Variants in ZNF563 observed in about 807,000 individuals in gnomAD.
The protein encoded by ZNF563 is zinc finger protein 563.
ZNF563 carries 39 observed loss-of-function variants against 48.5 expected under a neutral mutation model. That is an observed-to-expected ratio of 0.80 (90% confidence interval 0.62 to 1.05). The LOEUF (loss-of-function observed/expected upper bound fraction) is 1.05. Ranked by LOEUF, ZNF563 falls within the 50% of genes least tolerant of loss-of-function variation. ZNF563 has a pLI of 0.00. For synonymous variants in ZNF563, 168 were observed against 187.9 expected, an observed-to-expected ratio of 0.89 and a Z score of 0.87; for missense variants, 538 against 597.0, an observed-to-expected ratio of 0.90 and a Z score of 1.03.
intron 1 of ZNF563, among the ~76,000 whole-genome samples, chr19:12,330,288 T>G (rs1968890853): frequency 6.6e-6 from 1 of 152,094 alleles, no homozygotes; most frequent in Non-Finnish European, 1.5e-5. Flanking sequence ...AGACAGACAT[T>G]ACAGACATAT....
chr19:12,337,069 G>A (rs146634909), upstream of ZNF563, among the ~76,000 whole-genome samples: 1,144 of 152,252 alleles, frequency 7.5e-3, 16 homozygotes, highest in African/African-American at 0.026. Context: ...CTCAGTGAGG[G>A]CACAGACAGA....
At chr19:12,330,003 C>A (rs983327399) in intron 1 of ZNF563, among the ~76,000 whole-genome samples, 2 of 151,968 alleles carry the variant, frequency 1.3e-5, no homozygotes, top group Admixed American at 1.3e-4. Flanking sequence ...TCACTGCAAC[C>A]TCTGCCTCCC....
rs74901783 is a variant in ZNF563 at position 12,318,499 on chromosome 19, C to T, written c.*95G>A. The T allele has an allele frequency of 4.8e-4, 638 of 1,334,046 alleles. 9 individuals are homozygous for T. The East Asian group carries it at 0.014, about 28-fold the overall frequency. The allele number at this position is 1,334,046 out of a possible 1,614,324, so 82.6% of individuals were successfully genotyped here. On this transcript the variant is annotated 3_prime_UTR_variant, in exon 4 of 4. Transcript: ENST00000293725. Reference sequence around the variant, plus strand: ...AGGAATAAAAATTATGAAAGGCTTTCCCACATTTACATTTATAGGGTTTCT... The same window carrying T: ...AGGAATAAAAATTATGAAAGGCTTTTCCACATTTACATTTATAGGGTTTCT...
chr19:12,332,807 C>T (rs1386122238), intron 1 of ZNF563, among the ~76,000 whole-genome samples: 1 of 152,222 alleles, frequency 6.6e-6, no homozygotes, highest in African/African-American at 2.4e-5. Flanking sequence ...TGCTTCTCTC[C>T]TGCAGGCTTC....
intron 1 of ZNF563, among the ~76,000 whole-genome samples, 184 bp from the exon 2 acceptor site, chr19:12,322,895 C>T (rs1300582840): frequency 6.6e-6 from 1 of 152,196 alleles, no homozygotes; most frequent in South Asian, 2.1e-4. Context: ...TAGAATTCAA[C>T]ATGTTTGGTA....
At chr19:12,329,065 G>A (rs1968861884) in intron 1 of ZNF563, among the ~76,000 whole-genome samples, 1 of 152,162 alleles carries the variant, frequency 6.6e-6, no homozygotes, top group Admixed American at 6.5e-5. Context: ...TCTAAAATCA[G>A]TGCTCTAACT....
chr19:12,342,494 TG>T, the ZNF563 span, among the ~76,000 whole-genome samples: 1 of 148,234 alleles, frequency 6.7e-6, no homozygotes, highest in Non-Finnish European at 1.5e-5. Context: ...AAAAAGAGGT[TG>T]GGGGTGGTGC....
chr19:12,324,439 C>T (rs555302227), intron 1 of ZNF563, among the ~76,000 whole-genome samples: 101 of 152,110 alleles, frequency 6.6e-4, no homozygotes, highest in Non-Finnish European at 9.0e-4. Context: ...CCTCACTGGC[C>T]GGGTGCGGTG....
At chr19:12,338,102 A>G (rs1172622748), upstream of ZNF563, among the ~76,000 whole-genome samples, 3 of 152,160 alleles carry the variant, frequency 2.0e-5, no homozygotes, top group Non-Finnish European at 4.4e-5. Context: ...ACACTGTCTA[A>G]AAAAGAAAGA....
chr19:12,330,066 G>A (rs1337117358), intron 1 of ZNF563, among the ~76,000 whole-genome samples: 4 of 152,024 alleles, frequency 2.6e-5, no homozygotes, highest in Middle Eastern at 3.4e-3. Context: ...GATTACAGGC[G>A]CCTGTCACTA....
chr19:12,320,075 C>T (rs933983110), intron 3 of ZNF563, among the ~76,000 whole-genome samples: 11 of 152,118 alleles, frequency 7.2e-5, no homozygotes, highest in African/African-American at 1.9e-4. Context: ...TACGCCACCA[C>T]GCCCAGCTAA....
upstream of ZNF563, chr19:12,333,856 G>A: frequency 3.4e-6 from 1 of 296,548 alleles, no homozygotes; most frequent in Non-Finnish European, 6.3e-6. Flanking sequence ...GCCCTTGACA[G>A]GGCAGGCTTC....
intron 1 of ZNF563, 115 bp downstream of exon 1, chr19:12,333,365 C>A: frequency 7.0e-7 from 1 of 1,424,058 alleles, no homozygotes; most frequent in Non-Finnish European, 9.6e-7. Flanking sequence ...CAGGGGGACT[C>A]GGGTCCCAGA....
intron 1 of ZNF563, among the ~76,000 whole-genome samples, chr19:12,328,068 T>TA (rs1208384166): frequency 6.6e-6 from 1 of 152,234 alleles, no homozygotes; most frequent in African/African-American, 2.4e-5. Flanking sequence ...ATTTCATTGA[T>TA]ACGTGTTTAC....
upstream of ZNF563, among the ~76,000 whole-genome samples, chr19:12,337,784 G>T (rs1364389637): frequency 6.6e-6 from 1 of 152,184 alleles, no homozygotes; most frequent in Non-Finnish European, 1.5e-5. Context: ...GACATTTAAT[G>T]TGAGACATGA....
At chr19:12,333,808 A>G, upstream of ZNF563, 1 of 394,524 alleles carries the variant, frequency 2.5e-6, no homozygotes, top group Non-Finnish European at 4.6e-6. Context: ...GCGATCACAC[A>G]GTGCTGAGTC....
At chr19:12,341,145 G>A in the ZNF563 span, among the ~76,000 whole-genome samples, 1 of 152,160 alleles carries the variant, frequency 6.6e-6, no homozygotes, top group African/African-American at 2.4e-5. Flanking sequence ...CGACCTCCTG[G>A]GTTCAGGTGA....
chr19:12,333,595 G>A lies in ZNF563; in HGVS notation c.-113C>T, dbSNP rs963183540. On this transcript the variant is annotated 5_prime_UTR_variant, in exon 1 of 4. Transcript: ENST00000293725. ...TCCAGGGCGTCTCTCAGCGACTGAG[G>A]CTACACAGACGTTCCAGGGCGTCTC... is the stretch of plus-strand genomic sequence containing the variant. The A allele has an allele frequency of 1.4e-6, 2 of 1,472,162 alleles. No individual in the cohort carries two copies. The highest frequency in any genetic ancestry group is 2.4e-5 in the East Asian group (1 of 42,380). 91.2% of individuals were successfully genotyped at this position (1,472,162 alleles called of 1,614,324 possible).
At chr19:12,341,500 G>C in the ZNF563 span, among the ~76,000 whole-genome samples, 1 of 152,162 alleles carries the variant, frequency 6.6e-6, no homozygotes, top group Non-Finnish European at 1.5e-5. Context: ...ACACAAATAG[G>C]TTGAAAGGGA....
Sources: allele counts gnomAD v4.1 joint callset (sites outside exome capture counted in the v4.1 genomes callset), GRCh38; gene constraint gnomAD v4.1.1; transcripts MANE v1.5; gene names NCBI Gene and HGNC (gene_info 2026-07-23, HGNC 2026-07-21).